Variants in MYO3A observed in about 807,000 individuals in gnomAD.
MYO3A encodes the protein myosin-IIIa.
MYO3A carries 180 observed loss-of-function variants against 192.7 expected under a neutral mutation model. The ratio of observed to expected loss-of-function variants is 0.93; its 90% CI spans 0.83 to 1.06. The LOEUF (loss-of-function observed/expected upper bound fraction) is 1.06, where lower values mean the gene tolerates loss of function less well. Among genes scored for constraint, MYO3A ranks in the 50% least tolerant of loss-of-function variants. The pLI is 0.00. For missense variants in MYO3A, 1,896 were observed against 1,905.0 expected, an observed-to-expected ratio of 1.00 and a Z score of 0.09; for synonymous variants, 628 against 645.3, an observed-to-expected ratio of 0.97 and a Z score of 0.41.
chr10:26,057,798 T>C (rs2131322524), intron 10 of MYO3A, among the ~76,000 whole-genome samples: 1 of 152,350 alleles, frequency 6.6e-6, no homozygotes. Context: ...AAGAGAGTTT[T>C]TGTTTTTACT....
At chr10:25,959,459 A>G (rs1425417093) in intron 4 of MYO3A, among the ~76,000 whole-genome samples, 2 of 152,058 alleles carry the variant, frequency 1.3e-5, no homozygotes, top group East Asian at 3.9e-4. Flanking sequence ...TGTGATTGCT[A>G]TACCTAGAAG....
intron 14 of MYO3A, among the ~76,000 whole-genome samples, chr10:26,084,113 A>G (rs916473141): frequency 6.6e-6 from 1 of 152,234 alleles, no homozygotes; most frequent in Non-Finnish European, 1.5e-5. Context: ...CATAGGAAAA[A>G]TTGAATACAG....
chr10:26,208,761 T>C (rs1226650294), intron 34 of MYO3A, among the ~76,000 whole-genome samples: 3 of 152,114 alleles, frequency 2.0e-5, no homozygotes, highest in African/African-American at 7.2e-5. Flanking sequence ...TCCTTTTAAT[T>C]CCCTATTCAG....
intron 10 of MYO3A, among the ~76,000 whole-genome samples, chr10:26,026,951 C>T (rs1842579853): frequency 1.3e-5 from 2 of 152,154 alleles, no homozygotes; most frequent in African/African-American, 2.4e-5. Context: ...CCGCCCACCT[C>T]GGCTTCCCAA....
At chr10:26,068,376 C>A (rs1386012428) in intron 11 of MYO3A, among the ~76,000 whole-genome samples, 5 of 152,136 alleles carry the variant, frequency 3.3e-5, no homozygotes, top group African/African-American at 7.2e-5. Context: ...TTCCATAAAG[C>A]CACTGGATCA....
At chr10:26,108,533 A>C (rs897833757) in intron 17 of MYO3A, among the ~76,000 whole-genome samples, 2 of 152,254 alleles carry the variant, frequency 1.3e-5, no homozygotes, top group African/African-American at 2.4e-5. Flanking sequence ...TATTGAATCT[A>C]ATGATTTTGT....
At chr10:26,080,938 C>G (rs190818195) in intron 14 of MYO3A, among the ~76,000 whole-genome samples, 1 of 152,200 alleles carries the variant, frequency 6.6e-6, no homozygotes, top group Admixed American at 6.5e-5. Flanking sequence ...GATACCAGCA[C>G]GTGTTCTGGT....
intron 6 of MYO3A, among the ~76,000 whole-genome samples, chr10:26,004,071 G>T (rs1841020840): frequency 6.6e-6 from 1 of 152,142 alleles, no homozygotes; most frequent in Non-Finnish European, 1.5e-5. Context: ...CATTGGGTGG[G>T]ACAAGCAAGC....
intron 22 of MYO3A, among the ~76,000 whole-genome samples, chr10:26,146,563 A>G (rs58309865): frequency 0.097 from 14,805 of 152,114 alleles, 797 homozygotes; most frequent in Non-Finnish European, 0.12. Flanking sequence ...TTGCTATGTG[A>G]GCATAGGGAG....
chr10:26,000,576 A>G (rs989365749), intron 6 of MYO3A, among the ~76,000 whole-genome samples: 4 of 152,138 alleles, frequency 2.6e-5, no homozygotes, highest in Non-Finnish European at 5.9e-5. Flanking sequence ...TCTCTTTAGC[A>G]TATGGAGAGA....
At chr10:26,182,606 G>C (rs536909379) in intron 31 of MYO3A, among the ~76,000 whole-genome samples, 98 of 152,180 alleles carry the variant, frequency 6.4e-4, no homozygotes, top group African/African-American at 2.3e-3. Context: ...TTTAAGTTTG[G>C]CTCTCTGGGA....
chr10:25,961,970 A>T (rs1413923938), intron 4 of MYO3A, among the ~76,000 whole-genome samples: 5 of 152,180 alleles, frequency 3.3e-5, no homozygotes, highest in Non-Finnish European at 7.4e-5. Flanking sequence ...TTTAATGTGA[A>T]TCTACATACA....
intron 6 of MYO3A, among the ~76,000 whole-genome samples, chr10:26,013,650 ACTT>A (rs1211479062): frequency 6.6e-6 from 1 of 152,138 alleles, no homozygotes; most frequent in East Asian, 1.9e-4. Flanking sequence ...AAAAGGGAAT[ACTT>A]ACACGCTGCT....
intron 10 of MYO3A, among the ~76,000 whole-genome samples, chr10:26,054,258 C>G (rs1450594724): frequency 6.6e-6 from 1 of 152,144 alleles, no homozygotes; most frequent in Non-Finnish European, 1.5e-5. Context: ...GCTTAAAGAT[C>G]AGTGTAGTAG....
intron 10 of MYO3A, among the ~76,000 whole-genome samples, chr10:26,033,677 A>G (rs965854980): frequency 6.6e-6 from 1 of 152,184 alleles, no homozygotes; most frequent in African/African-American, 2.4e-5. Flanking sequence ...CTCTGGGGCT[A>G]ACTTTTTAGT....
intron 27 of MYO3A, 79 bp downstream of exon 27, chr10:26,166,257 G>A: frequency 4.1e-6 from 5 of 1,218,318 alleles, no homozygotes; most frequent in Non-Finnish European, 6.1e-6. Flanking sequence ...TACAATGTTT[G>A]AAAGTATGGT....
At chr10:26,146,546 A>T (rs1840475192) in intron 22 of MYO3A, among the ~76,000 whole-genome samples, 1 of 152,138 alleles carries the variant, frequency 6.6e-6, no homozygotes, top group Non-Finnish European at 1.5e-5. Flanking sequence ...GTGTCCCCAC[A>T]TGGCCTTTGC....
chr10:25,991,999 T>C (rs1163021909), intron 4 of MYO3A, among the ~76,000 whole-genome samples: 2 of 152,356 alleles, frequency 1.3e-5, no homozygotes, highest in East Asian at 1.9e-4. Context: ...CAATGTGGGC[T>C]CTTTTTTGGT....
chr10:26,065,116 A>T (rs998056856), intron 10 of MYO3A, among the ~76,000 whole-genome samples: 76 of 152,236 alleles, frequency 5.0e-4, no homozygotes, highest in African/African-American at 1.8e-3. Flanking sequence ...AAGAGAATCA[A>T]GAGAGACTTA....
Sources: allele counts gnomAD v4.1 joint callset (sites outside exome capture counted in the v4.1 genomes callset), GRCh38; gene constraint gnomAD v4.1.1; transcripts MANE v1.5; gene names NCBI Gene and HGNC (gene_info 2026-07-23, HGNC 2026-07-21).